Variants in GFPT2 observed in about 807,000 individuals in gnomAD.
The protein encoded by GFPT2 is glutamine--fructose-6-phosphate transaminase 2.
Under a neutral mutation model 85.6 loss-of-function variants are expected in GFPT2, and 62 were observed. That is an observed-to-expected ratio of 0.72 (90% CI 0.59 to 0.90). GFPT2 has a LOEUF of 0.90. Among genes scored for constraint, GFPT2 ranks in the 40% least tolerant of loss-of-function variants. GFPT2 has a pLI of 0.00. For synonymous variants in GFPT2, 368 were observed against 344.5 expected (o/e 1.07, Z -0.75); for missense variants, 788 against 893.4 (o/e 0.88, Z 1.50).
chr5:180,314,192 C>A (rs1048710656), intron 13 of GFPT2, among the ~76,000 whole-genome samples: 15 of 152,160 alleles, frequency 9.9e-5, no homozygotes, highest in Admixed American at 5.2e-4. Flanking sequence ...CGTGACAACC[C>A]CGTGAGGACC....
In GFPT2 at chr5:180,327,685, G is replaced by A. The variant is rs367926464; in HGVS notation, c.596+592C>T. Among the ~76,000 whole-genome samples the A allele has an allele frequency of 3.7e-4, 56 of 152,318 alleles. No individual in the cohort carries two copies. In the South Asian group the frequency reaches 0.011, roughly 29 times the overall value. ...ATATTAGTTGCATGGTTGGATGGAT[G>A]ATCAACCTATGTGAATATAAACAGG... is the stretch of plus-strand genomic sequence containing the variant. On this transcript the variant is annotated intron_variant, in intron 7 of 18. Coordinates refer to ENST00000253778, the MANE Select transcript of GFPT2 (RefSeq NM_005110.4).
At chr5:180,353,024 A>G (rs1425023375) in intron 1 of GFPT2, 187 bp downstream of exon 1, 2 of 406,038 alleles carry the variant, frequency 4.9e-6, no homozygotes, top group African/African-American at 2.1e-5. Flanking sequence ...CGAGACGGCC[A>G]CTCGGGGAAC....
chr5:180,308,185 G>A (rs1290086614), intron 15 of GFPT2, among the ~76,000 whole-genome samples: 2 of 151,990 alleles, frequency 1.3e-5, no homozygotes, highest in East Asian at 3.9e-4. Flanking sequence ...GAACCTGGGA[G>A]GCGGAGCTTG....
chr5:180,333,730 T>A (rs960543586), intron 4 of GFPT2, among the ~76,000 whole-genome samples: 1 of 152,220 alleles, frequency 6.6e-6, no homozygotes, highest in Non-Finnish European at 1.5e-5. Context: ...CTGCTGAGTG[T>A]CAAAGAAATT....
chr5:180,331,627 G>T, intron 4 of GFPT2, 74 bp from the exon 5 acceptor site: 1 of 903,432 alleles, frequency 1.1e-6, no homozygotes, highest in Non-Finnish European at 1.8e-6. Context: ...ATGATTTCAA[G>T]GCTTGAGAAC....
rs6867143 is a variant in GFPT2 at position 180,331,045 on chromosome 5, C to T, written c.400-211G>A. ...CTGAGATCATCCCACCTCAGAAGCTCACCCTTGCCACTAATCTGGACATTG... is the reference window on the plus strand; with the variant it reads ...CTGAGATCATCCCACCTCAGAAGCTTACCCTTGCCACTAATCTGGACATTG... On this transcript the variant is annotated intron_variant, in intron 5 of 18. Transcript: ENST00000253778. 8.6e-3 allele frequency: 4,917 copies of T among 569,504 alleles called. 191 individuals carry two copies. The highest frequency in any genetic ancestry group is 0.084 in the African/African-American group (4,476 of 53,102). 35.3% of individuals were successfully genotyped at this position (569,504 alleles called of 1,614,324 possible).
At chr5:180,307,117 T>C in intron 16 of GFPT2, 59 bp downstream of exon 16, 1 of 1,379,994 alleles carries the variant, frequency 7.2e-7, no homozygotes, top group South Asian at 1.3e-5. Flanking sequence ...TCCCGCTGGC[T>C]CCTCAGGGTC....
At chr5:180,324,092 A>G (rs926457027) in intron 9 of GFPT2, 96 bp downstream of exon 9, 25 of 761,882 alleles carry the variant, frequency 3.3e-5, no homozygotes, top group Middle Eastern at 2.4e-4. Flanking sequence ...GAGCCACGAT[A>G]GCTCACATGG....
At chr5:180,344,248 T>C (rs1205336205) in intron 1 of GFPT2, among the ~76,000 whole-genome samples, 2 of 152,246 alleles carry the variant, frequency 1.3e-5, no homozygotes, top group African/African-American at 4.8e-5. Flanking sequence ...GGAGCATTTC[T>C]AGAAGGGCAC....
intron 1 of GFPT2, among the ~76,000 whole-genome samples, chr5:180,340,331 C>T (rs528291713): frequency 9.2e-5 from 14 of 152,066 alleles, no homozygotes; most frequent in Admixed American, 3.3e-4. Flanking sequence ...CTCAGCCTCC[C>T]GAGTAGCTGG....
intron 15 of GFPT2, among the ~76,000 whole-genome samples, chr5:180,309,862 G>A (rs1201182569): frequency 2.0e-5 from 3 of 151,436 alleles, no homozygotes; most frequent in Non-Finnish European, 2.9e-5. Flanking sequence ...CCAGGCTGGA[G>A]TGCAGTGGTG....
intron 2 of GFPT2, 34 bp downstream of exon 2, chr5:180,338,459 T>C: frequency 5.0e-6 from 6 of 1,206,440 alleles, no homozygotes; most frequent in Non-Finnish European, 7.4e-6. Context: ...CGGAGCCCGG[T>C]CCCCAGCCAC....
intron 1 of GFPT2, among the ~76,000 whole-genome samples, chr5:180,346,784 G>A (rs1764617595): frequency 6.6e-6 from 1 of 152,190 alleles, no homozygotes; most frequent in Admixed American, 6.5e-5. Context: ...CCTTTTCAAG[G>A]CATCTGTCAC....
At chr5:180,314,082 G>C (rs1206858719) in intron 13 of GFPT2, 118 bp from the exon 14 acceptor site, 2 of 1,019,492 alleles carry the variant, frequency 2.0e-6, no homozygotes, top group African/African-American at 3.3e-5. Context: ...ACAGCCAGCG[G>C]GTGTTCAGAA....
chr5:180,316,289 G>C (rs1764007719), intron 13 of GFPT2, 52 bp downstream of exon 13: 1 of 1,595,604 alleles, frequency 6.3e-7, no homozygotes, highest in Non-Finnish European at 8.6e-7. Context: ...GAAGAGGAGA[G>C]AGCCCAGAGC....
At chr5:180,314,327 G>C (rs555079515) in intron 13 of GFPT2, among the ~76,000 whole-genome samples, 1 of 152,260 alleles carries the variant, frequency 6.6e-6, no homozygotes, top group African/African-American at 2.4e-5. Context: ...AACTGAATAA[G>C]CTGCCTTATT....
chr5:180,302,475 A>G lies in GFPT2; in HGVS notation c.1952T>C (p.Val651Ala). Residue 651 changes from valine (V) to alanine (A), a missense_variant, in exon 18 of 19, where the codon GTG becomes GCG. Physicochemically the swap from Val to Ala is moderately conservative, Grantham distance 64. Transcript: ENST00000253778. The stretch of plus-strand genomic sequence containing the variant: ...GAAGGACAGCAGCTGCAGCGGAATC[A>G]CGCTCAGGATGCCCTGGAGGCAGTC... Reference protein sequence around the residue: ...TVDCLQGILSVIPLQLLSFHL... With the variant: ...TVDCLQGILSAIPLQLLSFHL... 6.2e-7 allele frequency: 1 copy of G among 1,614,156 alleles called. No homozygotes were observed. Among genetic ancestry groups the G allele is most frequent in the Non-Finnish European group, 8.5e-7 (1 of 1,179,998 alleles).
At chr5:180,338,643 C>T in intron 1 of GFPT2, 43 bp from the exon 2 acceptor site, 1 of 1,230,350 alleles carries the variant, frequency 8.1e-7, no homozygotes, top group Non-Finnish European at 1.2e-6. Context: ...AAATACTCAG[C>T]TCGTGTTTGG....
intron 1 of GFPT2, among the ~76,000 whole-genome samples, chr5:180,347,073 G>A (rs9329105): frequency 0.012 from 1,827 of 152,354 alleles, 31 homozygotes; most frequent in African/African-American, 0.041. Flanking sequence ...CCAGCCAGGT[G>A]GGGGATGCTG....
Sources: allele counts gnomAD v4.1 joint callset (sites outside exome capture counted in the v4.1 genomes callset), GRCh38; gene constraint gnomAD v4.1.1; transcripts MANE v1.5; gene names NCBI Gene and HGNC (gene_info 2026-07-23, HGNC 2026-07-21).